The following PCDHGA3 variants were observed in gnomAD, a reference collection of about 807,000 sequenced individuals.
PCDHGA3 encodes the protein protocadherin gamma-A3.
Under a neutral mutation model 58.5 loss-of-function variants are expected in PCDHGA3, and 40 were observed. The ratio of observed to expected loss-of-function variants is 0.68; its 90% CI spans 0.53 to 0.89. The LOEUF (loss-of-function observed/expected upper bound fraction) is 0.89, where lower values mean the gene tolerates loss of function less well. Ranked by LOEUF, PCDHGA3 falls within the 40% of genes least tolerant of loss-of-function variation. PCDHGA3 has a pLI of 0.00. For synonymous variants in PCDHGA3, 530 were observed against 525.7 expected (o/e 1.01, Z -0.11); for missense variants, 1,223 against 1,195.9 (o/e 1.02, Z -0.33).
At chr5:141,433,869 T>C (rs1293077938) in intron 1 of PCDHGA3, among the ~76,000 whole-genome samples, 8 of 151,960 alleles carry the variant, frequency 5.3e-5, no homozygotes, top group Non-Finnish European at 7.4e-5. Flanking sequence ...TATCCTCTAG[T>C]TTCATCCATT....
chr5:141,371,080 G>C (rs1409150939), intron 1 of PCDHGA3: 1 of 1,613,876 alleles, frequency 6.2e-7, no homozygotes, highest in East Asian at 2.2e-5. Context: ...ACCCAGATCA[G>C]GGTAATTGTC....
At position 141,346,183 on chromosome 5, in the gene PCDHGA3, G is replaced by A. The variant is rs751662730; in HGVS notation, c.2150G>A (p.Arg717Gln). The change falls in exon 1 of 4, where the codon CGG (arginine) becomes CAG (glutamine). Residue 717 changes from arginine to glutamine, a missense_variant. By Grantham distance (43) the Arg-to-Gln change is conservative. Transcript: ENST00000253812. ...ATCGTGCTGCTGGCGCTCAGGCTGC[G>A]GCGCTGGCACAAGTCACGCCTGCTG... ...FVIVLLALRLRRWHKSRLLQA... is the reference protein window; with the variant it reads ...FVIVLLALRLQRWHKSRLLQA... The A allele has an allele frequency of 4.2e-5, 68 of 1,613,934 alleles. No individual in the cohort carries two copies. The highest frequency in any genetic ancestry group is 2.0e-4 in the Admixed American group (12 of 59,996).
intron 1 of PCDHGA3, chr5:141,427,972 C>A: frequency 6.3e-7 from 1 of 1,593,948 alleles, no homozygotes; most frequent in Non-Finnish European, 8.6e-7. Context: ...GTGCTGTACC[C>A]CGCGCTGGGG....
chr5:141,375,059 G>A lies in PCDHGA3; in HGVS notation c.2424+28602G>A. On this transcript the variant is annotated intron_variant, in intron 1 of 3. Transcript: ENST00000253812. ...GGGTGTTGAAGCCCGGGATGGGCCA[G>A]GTCTTCGAGACAGAGCGAAAGTCTT... The A allele has an allele frequency of 2.5e-6, 4 of 1,614,038 alleles. No individual in the cohort carries two copies. The Admixed American group carries it at 6.7e-5, about 27-fold the overall frequency.
intron 1 of PCDHGA3, chr5:141,383,873 C>A: frequency 6.2e-7 from 1 of 1,613,928 alleles, no homozygotes; most frequent in Non-Finnish European, 8.5e-7. Flanking sequence ...CAAGATGGTC[C>A]TGGTAGTCTG....
chr5:141,356,389 A>C (rs1291017239), intron 1 of PCDHGA3: 1 of 1,574,322 alleles, frequency 6.4e-7, no homozygotes. Flanking sequence ...ACTTGAAAAG[A>C]CCTATGGAAA....
rs201855847 is a variant in PCDHGA3 at position 141,355,838 on chromosome 5, C to A, written c.2424+9381C>A. 326 of 1,611,996 alleles carry A rather than the reference C, an allele frequency of 2.0e-4. No individual in the cohort carries two copies. The highest frequency in any genetic ancestry group is 3.5e-4 in the Admixed American group (21 of 59,702). On this transcript the variant is annotated intron_variant, in intron 1 of 3. Transcript: ENST00000253812. ...GAGGCGGTTCACCACCTCGTTCTCA[C>A]GGCCTTCGATGGAGGTGACCCGGTT...
intron 1 of PCDHGA3, chr5:141,391,548 C>T (rs1045663791): frequency 6.6e-6 from 1 of 152,106 alleles, no homozygotes; most frequent in African/African-American, 2.4e-5. Flanking sequence ...ATTGTCTACC[C>T]AGTTTTCCAT....
Position 141,432,726 on chromosome 5 carries a change from C to T in PCDHGA3, c.2425-62081C>T, listed in dbSNP as rs777248611. The T allele has an allele frequency of 3.1e-6, 5 of 1,614,092 alleles. No homozygotes were observed. Among genetic ancestry groups the T allele is most frequent in the Non-Finnish European group, 3.4e-6 (4 of 1,179,998 alleles). On this transcript the variant is annotated intron_variant, in intron 1 of 3. Coordinates refer to ENST00000253812, the MANE Select transcript of PCDHGA3 (RefSeq NM_018916.4). This position sits in a 1 kb window ranked among gnomAD's most constrained non-coding sequence, Gnocchi z 6.0. ...GACCACGGCCAGCCCCCTCTCTCCG[C>T]CACTGTCACGCTCACCGTGGCCGTG...
chr5:141,491,850 T>C lies in PCDHGA3; in HGVS notation c.2425-2957T>C. ...CCCGATTCTCGGGATCATTGGACCG[T>C]TTGCGCGAAACCAGAGTGGCCGATT... On this transcript the variant is annotated intron_variant, in intron 1 of 3. Transcript: ENST00000253812. The surrounding 1 kb of genome is among the most constrained non-coding windows in gnomAD (Gnocchi z 6.9). 6.8e-7 allele frequency: 1 copy of C among 1,460,996 alleles called. No homozygotes were observed. The highest frequency in any genetic ancestry group is 2.5e-5 in the East Asian group (1 of 40,084). The allele number at this position is 1,460,996 out of a possible 1,614,324, so 90.5% of individuals were successfully genotyped here.
chr5:141,409,802 G>A (rs2095317294), intron 1 of PCDHGA3: 10 of 1,611,810 alleles, frequency 6.2e-6, no homozygotes, highest in Non-Finnish European at 7.6e-6. Context: ...CACGCTGCAG[G>A]CCCGCGACCA....
At position 141,489,664 on chromosome 5, in the gene PCDHGA3, A is replaced by G. The variant is rs745597010; in HGVS notation, c.2425-5143A>G. On this transcript the variant is annotated intron_variant, in intron 1 of 3. Transcript: ENST00000253812. The surrounding 1 kb of genome is among the most constrained non-coding windows in gnomAD (Gnocchi z 4.5). ...TGCCACCCCTGAGCGAGAGATGCGCATCTCAGAATCAGCAGCATCTGGGGC... is the reference window on the plus strand; with the variant it reads ...TGCCACCCCTGAGCGAGAGATGCGCGTCTCAGAATCAGCAGCATCTGGGGC... 1 of 1,614,106 alleles carries G rather than the reference A, an allele frequency of 6.2e-7. No homozygotes were observed. The highest frequency in any genetic ancestry group is 8.5e-7 in the Non-Finnish European group (1 of 1,180,050).
At chr5:141,434,658 T>C (rs1243599957) in intron 1 of PCDHGA3, among the ~76,000 whole-genome samples, 2 of 152,198 alleles carry the variant, frequency 1.3e-5, no homozygotes, top group African/African-American at 2.4e-5. Flanking sequence ...ATCTAATATC[T>C]ATAGAAATGA....
intron 1 of PCDHGA3, chr5:141,430,898 G>A: frequency 6.2e-7 from 1 of 1,605,834 alleles, no homozygotes; most frequent in East Asian, 2.2e-5. Flanking sequence ...TAGGGTGGGC[G>A]ACATCTCCAG....
intron 1 of PCDHGA3, chr5:141,421,399 C>G: frequency 4.3e-6 from 7 of 1,614,046 alleles, no homozygotes; most frequent in Non-Finnish European, 5.1e-6. Context: ...GCTGGAGCCC[C>G]GGGAGCTGGC....
At position 141,400,963 on chromosome 5, in the gene PCDHGA3, ATC is replaced by A. The variant is rs563949563; in HGVS notation, c.2424+54510_2424+54511del. ...TTCACTGATTTCACTGGTAGTTTTC[ATC>A]TCTTTCTTATGTTCCTCATATATGC... is the stretch of plus-strand genomic sequence containing the variant. On this transcript the variant is annotated intron_variant, in intron 1 of 3. Coordinates refer to ENST00000253812, the MANE Select transcript of PCDHGA3 (RefSeq NM_018916.4). 3.8e-3 allele frequency among the ~76,000 whole-genome samples: 582 copies of A among 152,338 alleles called. 6 individuals carry two copies. Among genetic ancestry groups the A allele is most frequent in the Admixed American group, 0.011 (171 of 15,304 alleles).
intron 1 of PCDHGA3, among the ~76,000 whole-genome samples, chr5:141,452,094 G>A (rs760924457): frequency 6.6e-6 from 1 of 152,162 alleles, no homozygotes; most frequent in South Asian, 2.1e-4. Context: ...CAGTAAGAAA[G>A]AGCTTTCTTT....
At position 141,449,274 on chromosome 5, in the gene PCDHGA3, T is replaced by C. The variant is rs569352843; in HGVS notation, c.2425-45533T>C. 3.9e-5 allele frequency among the ~76,000 whole-genome samples: 6 copies of C among 152,260 alleles called. No individual in the cohort carries two copies. In the East Asian group the frequency reaches 1.2e-3, roughly 29 times the overall value. On this transcript the variant is annotated intron_variant, in intron 1 of 3. Transcript: ENST00000253812. ...GAATTGTACAAAGAACTGTATCTCC[T>C]TCACCCGGATGCACCGGGTGAATTA...
chr5:141,444,902 G>A (rs1442325957), intron 1 of PCDHGA3, among the ~76,000 whole-genome samples: 1 of 152,160 alleles, frequency 6.6e-6, no homozygotes, highest in Non-Finnish European at 1.5e-5. Context: ...GGATGGCATT[G>A]CATCTATACC....
Sources: gnomAD v4.1 joint callset for allele counts (sites outside exome capture counted in the v4.1 genomes callset) on GRCh38, gnomAD v4.1.1 for gene constraint, Gnocchi (gnomAD v3.1) non-coding constraint, MANE v1.5 for transcripts, NCBI Gene and HGNC (gene_info 2026-07-23, HGNC 2026-07-21) for gene names.